The following METTL15 variants were observed in gnomAD, a reference collection of about 807,000 sequenced individuals.
METTL15 encodes the protein 12S rRNA N(4)-cytidine methyltransferase METTL15.
METTL15 carries 34 observed loss-of-function variants against 38.3 expected under a neutral mutation model. That is an observed-to-expected ratio of 0.89 (90% CI 0.68 to 1.18). The LOEUF (loss-of-function observed/expected upper bound fraction) is 1.18. Among genes scored for constraint, METTL15 ranks in the 50% most tolerant of loss-of-function variants. METTL15 has a pLI of 0.00. For missense variants in METTL15, 438 were observed against 498.4 expected, an observed-to-expected ratio of 0.88 and a Z score of 1.15; for synonymous variants, 162 against 170.9, an observed-to-expected ratio of 0.95 and a Z score of 0.41.
intron 5 of METTL15, among the ~76,000 whole-genome samples, chr11:28,395,561 G>C (rs1314409243): frequency 6.6e-6 from 1 of 152,124 alleles, no homozygotes; most frequent in East Asian, 1.9e-4. Flanking sequence ...CCAGGAAGAA[G>C]TTGAATCCCT....
intron 3 of METTL15, among the ~76,000 whole-genome samples, chr11:28,171,769 G>A (rs1017107432): frequency 2.0e-5 from 3 of 149,548 alleles, no homozygotes; most frequent in East Asian, 3.9e-4. Flanking sequence ...TCCCCTGCCC[G>A]CCGCCTCTCT....
chr11:28,498,391 C>T (rs1851553909), intron 6 of METTL15, among the ~76,000 whole-genome samples: 1 of 152,112 alleles, frequency 6.6e-6, no homozygotes, highest in Non-Finnish European at 1.5e-5. Context: ...ATCTCCTGAC[C>T]TCGTGATCCG....
rs757382606 is a variant in METTL15, at chr11:28,139,266, A to G, written c.270+25662A>G. 4.6e-5 allele frequency among the ~76,000 whole-genome samples: 7 copies of G among 152,234 alleles called. No homozygotes were observed. The East Asian group carries it at 1.4e-3, about 29-fold the overall frequency. On this transcript the variant is annotated intron_variant, in intron 3 of 6. Coordinates refer to ENST00000407364, the MANE Select transcript of METTL15 (RefSeq NM_001113528.2). ...AGAGTAAGGATTTTTTTTTCCCTCA[A>G]AGGAATCCCAGTGATTCAGGAGGCA...
intron 3 of METTL15, among the ~76,000 whole-genome samples, chr11:28,117,259 G>GTATA (rs60938215): frequency 9.2e-6 from 1 of 108,588 alleles, no homozygotes; most frequent in African/African-American, 3.6e-5. Context: ...GTGTGTGTGT[G>GTATA]TATATATATA....
chr11:28,135,185 A>T (rs1487350850), intron 3 of METTL15, among the ~76,000 whole-genome samples: 1 of 152,206 alleles, frequency 6.6e-6, no homozygotes, highest in African/African-American at 2.4e-5. Context: ...TTCAGTCCTC[A>T]TTTTTGTGAA....
chr11:28,342,339 C>T (rs1282937103), intron 3 of METTL15, among the ~76,000 whole-genome samples: 1 of 152,084 alleles, frequency 6.6e-6, no homozygotes, highest in Non-Finnish European at 1.5e-5. Context: ...TCATGGCTCA[C>T]TCAGCCTTAA....
intron 4 of METTL15, among the ~76,000 whole-genome samples, chr11:28,263,307 C>T (rs1855283968): frequency 6.6e-6 from 1 of 152,044 alleles, no homozygotes. Flanking sequence ...ATGAGACTCT[C>T]TATCGTTCAC....
At chr11:28,466,061 A>C (rs1368688009) in intron 6 of METTL15, among the ~76,000 whole-genome samples, 1 of 152,124 alleles carries the variant, frequency 6.6e-6, no homozygotes, top group Non-Finnish European at 1.5e-5. Flanking sequence ...AGCTATCTTC[A>C]ATTGAAGTCG....
intron 4 of METTL15, among the ~76,000 whole-genome samples, chr11:28,266,067 T>C (rs1299799032): frequency 6.6e-6 from 1 of 152,184 alleles, no homozygotes; most frequent in African/African-American, 2.4e-5. Flanking sequence ...CAACAGGTGC[T>C]GGAGAGGATG....
At chr11:28,342,594 C>A (rs1469485620) in intron 3 of METTL15, among the ~76,000 whole-genome samples, 4 of 152,134 alleles carry the variant, frequency 2.6e-5, no homozygotes, top group African/African-American at 7.2e-5. Context: ...CATGAAATTC[C>A]TCTGTCCTTT....
chr11:28,123,652 T>C (rs1401527164), intron 3 of METTL15, among the ~76,000 whole-genome samples: 1 of 152,172 alleles, frequency 6.6e-6, no homozygotes, highest in East Asian at 1.9e-4. Context: ...TTATAGCTAC[T>C]TATTTTCTCT....
intron 3 of METTL15, among the ~76,000 whole-genome samples, chr11:28,164,634 C>G (rs897521081): frequency 5.3e-5 from 8 of 151,930 alleles, no homozygotes; most frequent in African/African-American, 1.7e-4. Flanking sequence ...TTAAATCAAG[C>G]CAATTAACAT....
At chr11:28,238,227 G>A in intron 4 of METTL15, among the ~76,000 whole-genome samples, 1 of 152,192 alleles carries the variant, frequency 6.6e-6, no homozygotes, top group Non-Finnish European at 1.5e-5. Flanking sequence ...TACAGAGGCA[G>A]GCAGGCCTCC....
chr11:28,377,125 A>G (rs1477531265), intron 5 of METTL15, among the ~76,000 whole-genome samples: 1 of 143,878 alleles, frequency 7.0e-6, no homozygotes, highest in Non-Finnish European at 1.5e-5. Context: ...GGTGAATCTG[A>G]CAATTATGTT....
chr11:28,377,612 C>T (rs532879871), intron 5 of METTL15, among the ~76,000 whole-genome samples: 8 of 152,028 alleles, frequency 5.3e-5, no homozygotes, highest in Admixed American at 4.6e-4. Context: ...GAATGTCCTC[C>T]CGTAGCTCAG....
At chr11:28,197,303 A>G (rs1427413320) in intron 3 of METTL15, 1 of 194,298 alleles carries the variant, frequency 5.1e-6, no homozygotes, top group East Asian at 1.2e-4. Flanking sequence ...CAGAAGCCAT[A>G]AAATATCTTT....
At chr11:28,394,215 A>T (rs1223661568) in intron 5 of METTL15, among the ~76,000 whole-genome samples, 1 of 152,126 alleles carries the variant, frequency 6.6e-6, no homozygotes, top group Admixed American at 6.6e-5. Context: ...ATTATATTTC[A>T]TTATCACAGG....
chr11:28,277,254 A>G (rs1182985248), intron 4 of METTL15, among the ~76,000 whole-genome samples: 1 of 152,236 alleles, frequency 6.6e-6, no homozygotes, highest in Admixed American at 6.5e-5. Context: ...AAAAGAAATT[A>G]GTGTATCAAA....
intron 5 of METTL15, among the ~76,000 whole-genome samples, chr11:28,292,774 C>T (rs1856569810): frequency 6.6e-6 from 1 of 152,152 alleles, no homozygotes; most frequent in African/African-American, 2.4e-5. Context: ...GATGGTATCT[C>T]ATTGTGGTTT....
Sources: gnomAD v4.1 joint callset for allele counts (sites outside exome capture counted in the v4.1 genomes callset) on GRCh38, gnomAD v4.1.1 for gene constraint, MANE v1.5 for transcripts, NCBI Gene and HGNC (gene_info 2026-07-23, HGNC 2026-07-21) for gene names.